The following PSD3 variants were observed in gnomAD, a reference collection of about 807,000 sequenced individuals.
PSD3 encodes the protein pleckstrin and Sec7 domain containing 3.
PSD3 carries 49 observed loss-of-function variants against 105.5 expected under a neutral mutation model. The observed-to-expected ratio is 0.46, with a 90% CI of 0.37 to 0.59. PSD3 has a LOEUF of 0.59. PSD3 is among the 20% of genes least tolerant of loss of function. PSD3 has a pLI of 0.00. For synonymous variants in PSD3, 557 were observed against 457.8 expected (o/e 1.22, Z -2.77); for missense variants, 1,561 against 1,263.8 (o/e 1.24, Z -3.57).
At chr8:18,747,427 G>C (rs892488492) in intron 9 of PSD3, among the ~76,000 whole-genome samples, 1 of 152,192 alleles carries the variant, frequency 6.6e-6, no homozygotes, top group Admixed American at 6.5e-5. Flanking sequence ...TGACATAATA[G>C]ATGGGCAAAG....
intron 1 of PSD3, among the ~76,000 whole-genome samples, chr8:18,975,442 G>A (rs915743493): frequency 6.6e-6 from 1 of 151,996 alleles, no homozygotes; most frequent in Admixed American, 6.6e-5. Context: ...TATGCTAAAA[G>A]TCACGCAGAA....
intron 12 of PSD3, among the ~76,000 whole-genome samples, chr8:18,596,628 A>C (rs1267792851): frequency 2.0e-5 from 3 of 152,068 alleles, no homozygotes; most frequent in Admixed American, 6.6e-5. Flanking sequence ...ATAAAATCAG[A>C]AATGAAACAG....
intron 1 of PSD3, among the ~76,000 whole-genome samples, chr8:18,991,579 T>C (rs748082004): frequency 2.0e-5 from 3 of 152,126 alleles, no homozygotes; most frequent in Non-Finnish European, 2.9e-5. Context: ...ATTTGTCAAT[T>C]TGGGACACCA....
chr8:18,643,084 A>C (rs1807770850), intron 10 of PSD3, among the ~76,000 whole-genome samples: 2 of 152,200 alleles, frequency 1.3e-5, no homozygotes, highest in Admixed American at 1.3e-4. Context: ...TTTATCACGA[A>C]TGGTGACTTA....
intron 2 of PSD3, among the ~76,000 whole-genome samples, chr8:18,877,601 G>C (rs989458035): frequency 6.0e-5 from 9 of 149,980 alleles, no homozygotes; most frequent in Non-Finnish European, 1.3e-4. Flanking sequence ...GAGTACGGTG[G>C]TGCAATCACA....
At chr8:18,679,593 A>T (rs576433712) in intron 9 of PSD3, among the ~76,000 whole-genome samples, 1 of 152,346 alleles carries the variant, frequency 6.6e-6, no homozygotes, top group East Asian at 1.9e-4. Flanking sequence ...TTCTAAAATT[A>T]ACAGTGTTCA....
Position 18,653,547 on chromosome 8 carries a change from G to T in PSD3, c.2216+2095C>A, listed in dbSNP as rs905898997. Reference sequence around the variant, plus strand: ...TGAGGACTACAGGTTAACTTGGTCAGTGAACCAGCTACTACATGAAAAAGC... The same window carrying T: ...TGAGGACTACAGGTTAACTTGGTCATTGAACCAGCTACTACATGAAAAAGC... On this transcript the variant is annotated intron_variant, in intron 10 of 15. Transcript: ENST00000327040. 4.6e-5 allele frequency among the ~76,000 whole-genome samples: 7 copies of T among 152,130 alleles called. No homozygotes were observed. The East Asian group carries it at 5.8e-4, about 13-fold the overall frequency.
intron 1 of PSD3, among the ~76,000 whole-genome samples, chr8:18,950,579 T>A (rs2129470021): frequency 6.6e-6 from 1 of 152,286 alleles, no homozygotes; most frequent in Non-Finnish European, 1.5e-5. Flanking sequence ...GCTTTCTGTT[T>A]CTATCAGTTC....
At chr8:18,593,813 T>C (rs1213922920) in intron 12 of PSD3, among the ~76,000 whole-genome samples, 1 of 151,966 alleles carries the variant, frequency 6.6e-6, no homozygotes. Flanking sequence ...GATGAGTTCA[T>C]GTCCTTTGTA....
chr8:18,999,552 A>C (rs540966152), intron 1 of PSD3, among the ~76,000 whole-genome samples: 3,524 of 75,260 alleles, frequency 0.047, 183 homozygotes, highest in African/African-American at 0.13. Flanking sequence ...ACATAAGCAT[A>C]ATGAGAGAGA....
At chr8:18,661,327 G>T (rs1238413745) in intron 9 of PSD3, among the ~76,000 whole-genome samples, 1 of 152,128 alleles carries the variant, frequency 6.6e-6, no homozygotes. Flanking sequence ...CAAATGCTAT[G>T]CTGGCTCTCA....
chr8:18,982,845 T>C (rs1825310186), intron 1 of PSD3, among the ~76,000 whole-genome samples: 1 of 152,064 alleles, frequency 6.6e-6, no homozygotes, highest in Non-Finnish European at 1.5e-5. Flanking sequence ...TGAAGGGCCC[T>C]AGGATTTTTA....
At position 18,953,302 on chromosome 8, in the gene PSD3, T is replaced by C. The variant is rs182988533; in HGVS notation, c.22-17160A>G. ...GTTCATATATATCTGTCTCTCTCCA[T>C]ATGTGTGTGTATGTTGTGTGTGTGT... On this transcript the variant is annotated intron_variant, in intron 1 of 15. Coordinates refer to ENST00000327040, the MANE Select transcript of PSD3 (RefSeq NM_015310.4). 2.8e-4 allele frequency among the ~76,000 whole-genome samples: 38 copies of C among 134,558 alleles called. No homozygotes were observed. The East Asian group carries it at 7.5e-3, about 27-fold the overall frequency. 88.3% of individuals were successfully genotyped at this position (134,558 alleles called of 152,430 possible).
chr8:18,886,472 T>C (rs1434571034), intron 2 of PSD3, among the ~76,000 whole-genome samples: 3 of 152,138 alleles, frequency 2.0e-5, no homozygotes. Flanking sequence ...GGTCTCCTAC[T>C]GGGACGCTCG....
chr8:18,873,293 A>T (rs979514270), intron 2 of PSD3, among the ~76,000 whole-genome samples: 6 of 152,178 alleles, frequency 3.9e-5, no homozygotes, highest in African/African-American at 1.4e-4. Flanking sequence ...CTTTCAAAAC[A>T]TCCCTGAAAA....
intron 4 of PSD3, among the ~76,000 whole-genome samples, chr8:18,806,216 G>A (rs527828726): frequency 6.6e-5 from 10 of 152,262 alleles, no homozygotes; most frequent in African/African-American, 2.2e-4. Flanking sequence ...GTTTGGTGCC[G>A]CTGCCTTAAG....
At chr8:18,996,168 G>A (rs1368559861) in intron 1 of PSD3, among the ~76,000 whole-genome samples, 1 of 151,230 alleles carries the variant, frequency 6.6e-6, no homozygotes, top group Non-Finnish European at 1.5e-5. Flanking sequence ...CTGGAAACAT[G>A]GGGCCTTTTG....
chr8:18,902,613 T>C (rs948855932), intron 2 of PSD3, among the ~76,000 whole-genome samples: 1 of 152,222 alleles, frequency 6.6e-6, no homozygotes, highest in Non-Finnish European at 1.5e-5. Flanking sequence ...TGTGTGTTGA[T>C]GTCTGGTGGA....
intron 1 of PSD3, among the ~76,000 whole-genome samples, chr8:19,033,163 C>A (rs569558724): frequency 1.3e-5 from 2 of 152,064 alleles, no homozygotes; most frequent in South Asian, 4.2e-4. Context: ...TATTCTGAAT[C>A]CATTTGGTTC....
Sources: gnomAD v4.1 joint callset for allele counts (sites outside exome capture counted in the v4.1 genomes callset) on GRCh38, gnomAD v4.1.1 for gene constraint, MANE v1.5 for transcripts, NCBI Gene and HGNC (gene_info 2026-07-23, HGNC 2026-07-21) for gene names.